Variants in TBC1D22B observed in about 807,000 individuals in gnomAD.
TBC1D22B encodes the protein TBC1 domain family member 22B.
TBC1D22B carries 32 observed loss-of-function variants against 69.1 expected under a neutral mutation model. The observed-to-expected ratio is 0.46, with a 90% CI of 0.35 to 0.62. The LOEUF (loss-of-function observed/expected upper bound fraction) is 0.62. Ranked by LOEUF, TBC1D22B falls within the 20% of genes least tolerant of loss-of-function variation. The pLI is 0.00. For missense variants in TBC1D22B, 462 were observed against 630.9 expected (o/e 0.73, Z 2.87); for synonymous variants, 206 against 229.8 (o/e 0.90, Z 0.94).
intron 8 of TBC1D22B, among the ~76,000 whole-genome samples, chr6:37,300,567 G>T (rs753659027): frequency 6.6e-6 from 1 of 151,936 alleles, no homozygotes; most frequent in Non-Finnish European, 1.5e-5. Context: ...TTACCACGCT[G>T]GCCAGGCTGG....
chr6:37,331,098 A>C lies in TBC1D22B; in HGVS notation c.1444A>C (p.Ile482Leu). ...LPTIHWGNEEIGLLLAEAYRL... is the reference protein window; with the variant it reads ...LPTIHWGNEELGLLLAEAYRL... Reference sequence around the variant, plus strand: ...TACAATACACTGGGGCAACGAAGAAATTGGGCTGCTTCTCGCCGAGGCATA... The same window carrying C: ...TACAATACACTGGGGCAACGAAGAACTTGGGCTGCTTCTCGCCGAGGCATA... The change falls in exon 13 of 13, where the codon ATT (isoleucine) becomes CTT (leucine). Residue 482 changes from isoleucine to leucine, a missense_variant. Physicochemically the swap from Ile to Leu is conservative, Grantham distance 5. Coordinates refer to ENST00000373491, the MANE Select transcript of TBC1D22B (RefSeq NM_017772.4). 1 of 1,614,110 alleles carries C rather than the reference A, an allele frequency of 6.2e-7. No homozygotes were observed. The highest frequency in any genetic ancestry group is 8.5e-7 in the Non-Finnish European group (1 of 1,180,016).
intron 12 of TBC1D22B, 118 bp downstream of exon 12, chr6:37,317,324 G>A: frequency 1.0e-6 from 1 of 994,508 alleles, no homozygotes; most frequent in South Asian, 1.4e-5. Context: ...AGTAGGAAGG[G>A]AGAAGGGGTG....
At chr6:37,286,408 C>T (rs113358087) in intron 6 of TBC1D22B, among the ~76,000 whole-genome samples, 4,850 of 151,830 alleles carry the variant, frequency 0.032, 242 homozygotes, top group African/African-American at 0.11. Flanking sequence ...CTCCACCTCC[C>T]GGGTTCACAC....
chr6:37,288,671 G>A (rs1450010396), intron 7 of TBC1D22B, among the ~76,000 whole-genome samples: 3 of 151,418 alleles, frequency 2.0e-5, no homozygotes, highest in Non-Finnish European at 4.4e-5. Flanking sequence ...GAGCCCAGGT[G>A]GTCAAAGCTG....
intron 7 of TBC1D22B, among the ~76,000 whole-genome samples, chr6:37,289,815 G>A (rs188523499): frequency 5.4e-4 from 82 of 152,310 alleles, no homozygotes; most frequent in Non-Finnish European, 9.7e-4. Context: ...GCAACAGAGA[G>A]GAAATAGAGT....
intron 8 of TBC1D22B, among the ~76,000 whole-genome samples, 191 bp from the exon 9 acceptor site, chr6:37,312,727 C>G (rs563317621): frequency 9.8e-5 from 15 of 152,294 alleles, no homozygotes; most frequent in African/African-American, 3.6e-4. Context: ...TCTTCAAGAA[C>G]AAATATGTTC....
At chr6:37,282,673 A>G (rs1055453655) in intron 4 of TBC1D22B, among the ~76,000 whole-genome samples, 3 of 151,938 alleles carry the variant, frequency 2.0e-5, no homozygotes, top group African/African-American at 7.3e-5. Flanking sequence ...TCTAACTTTC[A>G]TCTCTGAGCT....
At chr6:37,329,473 G>A (rs930181394) in intron 12 of TBC1D22B, among the ~76,000 whole-genome samples, 1 of 152,230 alleles carries the variant, frequency 6.6e-6, no homozygotes, top group African/African-American at 2.4e-5. Context: ...ACACACAGTA[G>A]TGTGACTATT....
chr6:37,307,495 A>G (rs1767762496), intron 8 of TBC1D22B, among the ~76,000 whole-genome samples: 1 of 151,904 alleles, frequency 6.6e-6, no homozygotes, highest in African/African-American at 2.4e-5. Context: ...AGCTGGGACT[A>G]CAGGCACCTG....
chr6:37,320,555 A>G lies in TBC1D22B; in HGVS notation c.1389+3349A>G, dbSNP rs192543107. On this transcript the variant is annotated intron_variant, in intron 12 of 12. Coordinates refer to ENST00000373491, the MANE Select transcript of TBC1D22B (RefSeq NM_017772.4). ...CTTTAAAAACCCACTTTTCTAATTA[A>G]GTGGTTTTTAACATAATGAGTAAAC... Among the ~76,000 whole-genome samples, 514 of 152,264 alleles carry G rather than the reference A, an allele frequency of 3.4e-3. 6 individuals are homozygous for G. The highest frequency in any genetic ancestry group is 0.015 in the South Asian group (70 of 4,826).
intron 12 of TBC1D22B, among the ~76,000 whole-genome samples, chr6:37,320,462 G>A (rs1225794583): frequency 6.6e-6 from 1 of 152,106 alleles, no homozygotes; most frequent in Non-Finnish European, 1.5e-5. Flanking sequence ...TCGAAACAGT[G>A]AGCTTATTAT....
chr6:37,266,484 C>T (rs9357245), intron 1 of TBC1D22B, among the ~76,000 whole-genome samples: 97,014 of 148,360 alleles, frequency 0.65, 31,552 homozygotes, highest in East Asian at 0.85. Flanking sequence ...TTTTTTGAGA[C>T]GGAGTCTTGC....
chr6:37,312,990 T>C lies in TBC1D22B; in HGVS notation c.1055T>C (p.Phe352Ser). 6.2e-7 allele frequency: 1 copy of C among 1,614,222 alleles called. No individual in the cohort carries two copies. The highest frequency in any genetic ancestry group is 8.5e-7 in the Non-Finnish European group (1 of 1,180,028). ...CTGCGAAGCATTGAGGCTGACAGCT[T>C]TTGGTGCATGAGCAAGCTGCTGGAT... Reference protein sequence around the residue: ...DMLRSIEADSFWCMSKLLDGI... With the variant: ...DMLRSIEADSSWCMSKLLDGI... The change falls in exon 9 of 13, where the codon TTT becomes TCT. Residue 352 changes from phenylalanine to serine, a missense_variant. Phe to Ser is a radical substitution (Grantham distance 155, BLOSUM62 -2). Coordinates refer to ENST00000373491, the MANE Select transcript of TBC1D22B (RefSeq NM_017772.4).
At chr6:37,293,822 A>C (rs899629103) in intron 8 of TBC1D22B, among the ~76,000 whole-genome samples, 2 of 152,236 alleles carry the variant, frequency 1.3e-5, no homozygotes, top group African/African-American at 4.8e-5. Flanking sequence ...TGAACACACA[A>C]ATAGTAAGAG....
intron 8 of TBC1D22B, among the ~76,000 whole-genome samples, chr6:37,300,952 T>C (rs1196548471): frequency 6.6e-6 from 1 of 152,136 alleles, no homozygotes; most frequent in African/African-American, 2.4e-5. Flanking sequence ...TTGTACCCTC[T>C]GAACGTCAAC....
At chr6:37,293,266 A>T (rs1767250793) in intron 8 of TBC1D22B, among the ~76,000 whole-genome samples, 1 of 151,632 alleles carries the variant, frequency 6.6e-6, no homozygotes, top group African/African-American at 2.4e-5. Context: ...TTTAGTAGAG[A>T]TGGGGTTTCA....
At chr6:37,324,508 G>C (rs1768338151) in intron 12 of TBC1D22B, 2 of 373,550 alleles carry the variant, frequency 5.4e-6, no homozygotes, top group African/African-American at 2.1e-5. Flanking sequence ...TGAGCTGCCT[G>C]CTGGGTCCAG....
Position 37,283,032 on chromosome 6 carries a change from G to C in TBC1D22B, c.672+80G>C, listed in dbSNP as rs1054200064. The C allele has an allele frequency of 1.9e-5, 24 of 1,248,310 alleles. No individual in the cohort carries two copies. The Admixed American group carries it at 2.2e-4, about 12-fold the overall frequency. 77.3% of individuals were successfully genotyped at this position (1,248,310 alleles called of 1,614,324 possible). On this transcript the variant is annotated intron_variant, in intron 5 of 12. Transcript: ENST00000373491. ...TGATGAGGTTAGTCTGGACACATTG[G>C]TCTTAACTCCATAGACTTCTCTAGT...
intron 12 of TBC1D22B, among the ~76,000 whole-genome samples, chr6:37,318,825 G>A (rs2113787181): frequency 6.6e-6 from 1 of 152,346 alleles, no homozygotes; most frequent in South Asian, 2.1e-4. Flanking sequence ...AGGCTCTCCA[G>A]AGAGAATCAT....
Sources: allele counts gnomAD v4.1 joint callset (sites outside exome capture counted in the v4.1 genomes callset), GRCh38; gene constraint gnomAD v4.1.1; transcripts MANE v1.5; gene names NCBI Gene and HGNC (gene_info 2026-07-23, HGNC 2026-07-21).